Variants in ATP11C observed in about 807,000 individuals in gnomAD.
ATP11C encodes the protein ATPase phospholipid transporting 11C (ATP11C blood group), also known as phospholipid-transporting ATPase IG.
In ATP11C, 36 loss-of-function variants were observed where a neutral mutation model predicts 97.4. The observed-to-expected ratio is 0.37, with a 90% confidence interval of 0.28 to 0.49. The LOEUF (loss-of-function observed/expected upper bound fraction) is 0.49. ATP11C is among the 20% of genes least tolerant of loss of function. The pLI is 0.98. For synonymous variants in ATP11C, 275 were observed against 290.9 expected (o/e 0.95, Z 0.56); for missense variants, 730 against 824.6 (o/e 0.89, Z 1.40).
At chrX:139,791,043 G>A (rs1399316662) in intron 12 of ATP11C, among the ~76,000 whole-genome samples, 2 of 111,532 alleles carry the variant, frequency 1.8e-5, no homozygotes, top group Non-Finnish European at 3.8e-5. Flanking sequence ...ATAAGGACAA[G>A]ATTAAGGTTT....
chrX:139,879,650 T>C (rs2084531584), intron 1 of ATP11C, among the ~76,000 whole-genome samples: 2 of 112,162 alleles, frequency 1.8e-5, no homozygotes, highest in South Asian at 7.4e-4. Flanking sequence ...ACAATATATA[T>C]GTATATCAAA....
chrX:139,745,576 A>C lies in ATP11C; in HGVS notation c.2964+146T>G, dbSNP rs935065393. The C allele has an allele frequency of 7.0e-5, 36 of 511,138 alleles. No individual in the cohort carries two copies. The African/African-American group carries it at 7.7e-4, about 11-fold the overall frequency. The allele number at this position is 511,138 out of a possible 1,213,427, so 42.1% of individuals were successfully genotyped here. ...TTATTTCACTTCTATTGTTCTAAAG[A>C]AGCTGTGAGAACTAACTACTGTATC... On this transcript the variant is annotated intron_variant, in intron 25 of 29. Coordinates refer to ENST00000682941, the MANE Select transcript of ATP11C (RefSeq NM_001353812.2).
intron 12 of ATP11C, among the ~76,000 whole-genome samples, chrX:139,795,710 T>A (rs1326575442): frequency 3.6e-5 from 4 of 111,993 alleles, no homozygotes; most frequent in Non-Finnish European, 7.5e-5. Flanking sequence ...TGGGTTAGAA[T>A]GGGGTCACAG....
rs775566431 is a variant in ATP11C, at chrX:139,785,836, G to A, written c.1593-537C>T. Among the ~76,000 whole-genome samples, 14 of 111,626 alleles carry A rather than the reference G, an allele frequency of 1.3e-4. No homozygotes were observed. In the South Asian group the frequency reaches 4.2e-3, roughly 34 times the overall value. On this transcript the variant is annotated intron_variant, in intron 15 of 29. Transcript: ENST00000682941. The stretch of plus-strand genomic sequence containing the variant: ...CACAGAAGGAAGTCATCTGAAAGGA[G>A]GTTTCCTGGAAGAGGACATGCCTGA...
intron 19 of ATP11C, among the ~76,000 whole-genome samples, chrX:139,770,683 G>A (rs1689734996): frequency 9.0e-6 from 1 of 111,098 alleles, no homozygotes; most frequent in Non-Finnish European, 1.9e-5. Flanking sequence ...AGCTGGCAAA[G>A]GTGACTGAGT....
chrX:139,833,439 T>G (rs2083693272), intron 1 of ATP11C, among the ~76,000 whole-genome samples: 1 of 111,464 alleles, frequency 9.0e-6, no homozygotes, highest in Admixed American at 9.5e-5. Context: ...CACAGTGGCT[T>G]GGACCTGTAA....
At chrX:139,754,369 T>C (rs907381986) in intron 23 of ATP11C, among the ~76,000 whole-genome samples, 1 of 110,306 alleles carries the variant, frequency 9.1e-6, no homozygotes, top group African/African-American at 3.3e-5. Flanking sequence ...AAAAAAAAGC[T>C]CAGGACCAGA....
chrX:139,912,779 TTAATAAG>T (rs760848812), intron 1 of ATP11C, among the ~76,000 whole-genome samples: 7 of 112,118 alleles, frequency 6.2e-5, no homozygotes, highest in African/African-American at 2.3e-4. Flanking sequence ...ATTAGTATCT[TTAATAAG>T]TAATATGTCT....
chrX:139,737,782 A>G, intron 28 of ATP11C, 134 bp downstream of exon 28: 1 of 687,436 alleles, frequency 1.5e-6, no homozygotes, highest in Non-Finnish European at 2.4e-6. Flanking sequence ...CAGAAGAGGA[A>G]ATTAAGTGAT....
chrX:139,891,733 T>C (rs2084733863), intron 1 of ATP11C, among the ~76,000 whole-genome samples: 1 of 112,474 alleles, frequency 8.9e-6, no homozygotes, highest in African/African-American at 3.2e-5. Flanking sequence ...AGAGAGGTAC[T>C]GCAAAATGCG....
In ATP11C at chrX:139,789,350, T is replaced by C. The variant is rs201410017; in HGVS notation, c.1345A>G (p.Thr449Ala). Residue 449 changes from threonine (T) to alanine (A), a missense_variant, in exon 13 of 30, where the codon ACA (threonine) becomes GCA (alanine). Thr to Ala is a moderately conservative substitution (Grantham distance 58, BLOSUM62 0). Transcript: ENST00000682941. ...ACCTTATCTACTTTGTCAAAATATG[T>C]TAAAGTTCCATCAGTTTGAGATAAT... The part of the protein sequence containing the change: ...DGLSQTDGTL[T>A]YFDKVDKNRE... 1.6e-4 allele frequency: 195 copies of C among 1,202,694 alleles called. No individual in the cohort carries two copies. Among genetic ancestry groups the C allele is most frequent in the Non-Finnish European group, 2.0e-4 (178 of 891,794 alleles).
intron 1 of ATP11C, among the ~76,000 whole-genome samples, chrX:139,859,206 T>C (rs2084141519): frequency 9.0e-6 from 1 of 111,422 alleles, no homozygotes; most frequent in Admixed American, 9.6e-5. Context: ...CTGGGAAGGA[T>C]AGGCAGGAGG....
chrX:139,847,622 G>A (rs2083929868), intron 1 of ATP11C, among the ~76,000 whole-genome samples: 1 of 108,698 alleles, frequency 9.2e-6, no homozygotes, highest in African/African-American at 3.4e-5. Context: ...ATGATCATCT[G>A]AGCCTAGGAG....
chrX:139,728,856 C>A lies in ATP11C; in HGVS notation c.*110G>T. Reference sequence around the variant, plus strand: ...TTTAGTGTGTTGCGTATCAAGTATCCTGAGATGATAACTTTTTGTAGTTGT... The same window carrying A: ...TTTAGTGTGTTGCGTATCAAGTATCATGAGATGATAACTTTTTGTAGTTGT... On this transcript the variant is annotated 3_prime_UTR_variant, in exon 30 of 30. Coordinates refer to ENST00000682941, the MANE Select transcript of ATP11C (RefSeq NM_001353812.2). 1 of 1,063,129 alleles carries A rather than the reference C, an allele frequency of 9.4e-7. No homozygotes were observed. 87.6% of individuals were successfully genotyped at this position (1,063,129 alleles called of 1,213,427 possible).
intron 1 of ATP11C, among the ~76,000 whole-genome samples, chrX:139,850,326 T>C (rs1284725885): frequency 9.0e-6 from 1 of 111,212 alleles, no homozygotes; most frequent in Admixed American, 9.6e-5. Context: ...GATCAGAATG[T>C]TGGTATAAAC....
At chrX:139,849,573 C>G (rs2083958508) in intron 1 of ATP11C, among the ~76,000 whole-genome samples, 1 of 111,912 alleles carries the variant, frequency 8.9e-6, no homozygotes, top group South Asian at 3.8e-4. Flanking sequence ...AATATACCAT[C>G]TCTACTTCCT....
chrX:139,829,961 T>TA (rs2083610411), intron 1 of ATP11C, among the ~76,000 whole-genome samples: 1 of 111,385 alleles, frequency 9.0e-6, no homozygotes, highest in Non-Finnish European at 1.9e-5. Flanking sequence ...TTGCTAGTCA[T>TA]AAAAAAATGA....
At chrX:139,916,219 ACT>A (rs1353843407) in intron 1 of ATP11C, among the ~76,000 whole-genome samples, 1 of 65,982 alleles carries the variant, frequency 1.5e-5, no homozygotes, top group Admixed American at 2.2e-4. Context: ...ACAGAGCAAG[ACT>A]CTGTCTTAAA....
chrX:139,800,619 C>G (rs749708714), intron 7 of ATP11C, among the ~76,000 whole-genome samples: 1 of 111,465 alleles, frequency 9.0e-6, no homozygotes, highest in East Asian at 2.8e-4. Flanking sequence ...TGCTGCTGGT[C>G]CTGAAACCAC....
Sources: allele counts gnomAD v4.1 joint callset (sites outside exome capture counted in the v4.1 genomes callset), GRCh38; gene constraint gnomAD v4.1.1; transcripts MANE v1.5; gene names NCBI Gene and HGNC (gene_info 2026-07-23, HGNC 2026-07-21).